STS: variants seen among roughly 807,000 people sequenced by gnomAD.
STS encodes steryl-sulfatase.
A neutral mutation model predicts 26.8 loss-of-function variants in STS; 7 were observed. The ratio of observed to expected loss-of-function variants is 0.26; its 90% CI spans 0.15 to 0.49. The LOEUF (loss-of-function observed/expected upper bound fraction) is 0.49. Among genes scored for constraint, STS ranks in the 20% least tolerant of loss-of-function variants. The pLI is 0.98. For missense variants in STS, 434 were observed against 465.6 expected (o/e 0.93, Z 0.63); for synonymous variants, 199 against 189.4 (o/e 1.05, Z -0.42).
intron 8 of STS, among the ~76,000 whole-genome samples, chrX:7,324,760 G>C (rs754469515): frequency 9.0e-6 from 1 of 111,630 alleles, no homozygotes; most frequent in Non-Finnish European, 1.9e-5. Flanking sequence ...GCCCTTTGCT[G>C]AGAGGAGGTG....
At chrX:7,347,100 CA>C (rs1376978372) in intron 10 of STS, among the ~76,000 whole-genome samples, 2 of 111,300 alleles carry the variant, frequency 1.8e-5, no homozygotes, top group African/African-American at 6.5e-5. Context: ...ATAAATTAAA[CA>C]AAAGAAGATG....
At chrX:7,156,037 G>C (rs1355613770) in intron 1 of STS, among the ~76,000 whole-genome samples, 2 of 109,692 alleles carry the variant, frequency 1.8e-5, no homozygotes, top group East Asian at 5.7e-4. Context: ...TGTTGTCCCA[G>C]CTACTTGGGG....
chrX:7,304,683 A>G (rs1476252971), intron 7 of STS, among the ~76,000 whole-genome samples: 3 of 112,185 alleles, frequency 2.7e-5, no homozygotes, highest in Non-Finnish European at 5.6e-5. Context: ...TAGAGCCAAC[A>G]CCAGCTGGTG....
chrX:7,331,780 G>T (rs1295346515), intron 9 of STS, among the ~76,000 whole-genome samples: 2 of 109,339 alleles, frequency 1.8e-5, no homozygotes, highest in Non-Finnish European at 3.8e-5. Flanking sequence ...CAGAAATGAG[G>T]CTTCCTTTGA....
intron 7 of STS, among the ~76,000 whole-genome samples, chrX:7,288,290 T>C (rs1256016016): frequency 9.1e-6 from 1 of 109,586 alleles, no homozygotes; most frequent in East Asian, 2.9e-4. Flanking sequence ...CCCTACAAAT[T>C]ACAGGTTGAG....
chrX:7,250,037 C>G (rs1923062909), intron 2 of STS, among the ~76,000 whole-genome samples: 1 of 110,865 alleles, frequency 9.0e-6, no homozygotes, highest in Non-Finnish European at 1.9e-5. Flanking sequence ...AAGCAATTCT[C>G]CTGCCTCAGC....
chrX:7,150,224 T>A (rs995907933), intron 1 of STS, among the ~76,000 whole-genome samples: 1 of 111,791 alleles, frequency 8.9e-6, no homozygotes, highest in Non-Finnish European at 1.9e-5. Flanking sequence ...TTTTTCTTTT[T>A]TCTTTCTTCT....
rs1463320440 is a variant in STS at position 7,341,416 on chromosome X, C to T, written c.1363+7309C>T. Among the ~76,000 whole-genome samples, 4 of 111,489 alleles carry T rather than the reference C, an allele frequency of 3.6e-5. No homozygotes were observed. The East Asian group carries it at 1.1e-3, about 32-fold the overall frequency. ...TGGCTCCATGCCTGGTCCTCGTCCT[C>T]TCAGCTGCCCTCCTCCCTCTCCATG... On this transcript the variant is annotated intron_variant, in intron 10 of 10. Transcript: ENST00000674429.
chrX:7,327,977 G>A (rs1927560591), intron 9 of STS, among the ~76,000 whole-genome samples: 1 of 111,372 alleles, frequency 9.0e-6, no homozygotes, highest in African/African-American at 3.3e-5. Flanking sequence ...GGCCAAAAGG[G>A]GAATTGTAAG....
At chrX:7,210,532 A>G (rs927089997) in intron 2 of STS, among the ~76,000 whole-genome samples, 1 of 107,437 alleles carries the variant, frequency 9.3e-6, no homozygotes, top group African/African-American at 3.3e-5. Flanking sequence ...TGTATGTATA[A>G]TAAATAATAA....
chrX:7,242,304 TAAC>T (rs1462089182), intron 2 of STS, among the ~76,000 whole-genome samples: 39 of 110,786 alleles, frequency 3.5e-4, no homozygotes, highest in African/African-American at 1.3e-3. Flanking sequence ...ATTTTAATAA[TAAC>T]TTTATAAGTT....
chrX:7,182,300 G>C (rs1315348352), intron 1 of STS, among the ~76,000 whole-genome samples: 2 of 110,531 alleles, frequency 1.8e-5, no homozygotes, highest in Non-Finnish European at 3.8e-5. Context: ...GCTCAGTACT[G>C]ATAGTGTGTC....
chrX:7,231,146 C>T (rs1436220034), intron 2 of STS, among the ~76,000 whole-genome samples: 1 of 111,658 alleles, frequency 9.0e-6, no homozygotes, highest in African/African-American at 3.3e-5. Context: ...TAGGCAGATC[C>T]GTAGAGAGAA....
chrX:7,341,033 T>A (rs1057329532), intron 10 of STS, among the ~76,000 whole-genome samples: 1 of 111,301 alleles, frequency 9.0e-6, no homozygotes, highest in Non-Finnish European at 1.9e-5. Context: ...ACTCAATGAC[T>A]GTGGGAGGCT....
intron 2 of STS, among the ~76,000 whole-genome samples, chrX:7,213,918 A>G (rs1171244563): frequency 9.1e-6 from 1 of 110,333 alleles, no homozygotes. Context: ...GTCTCTAGAA[A>G]AAAAATATTA....
At chrX:7,310,484 TC>T (rs1926427721) in intron 8 of STS, among the ~76,000 whole-genome samples, 1 of 112,091 alleles carries the variant, frequency 8.9e-6, no homozygotes, top group Non-Finnish European at 1.9e-5. Flanking sequence ...TGTATCTGTG[TC>T]AAGGCAGTAG....
chrX:7,260,952 G>A (rs1453646788), intron 6 of STS, among the ~76,000 whole-genome samples: 1 of 111,029 alleles, frequency 9.0e-6, no homozygotes, highest in East Asian at 2.8e-4. Flanking sequence ...TCTGTAAATG[G>A]AATAACCATC....
intron 2 of STS, among the ~76,000 whole-genome samples, chrX:7,200,199 TA>T (rs774385827): frequency 9.0e-6 from 1 of 111,296 alleles, no homozygotes; most frequent in African/African-American, 3.3e-5. Context: ...ATTTAAGTAA[TA>T]TTTTTTGTTT....
intron 2 of STS, among the ~76,000 whole-genome samples, chrX:7,235,157 T>TAG (rs1922256037): frequency 8.9e-6 from 1 of 112,070 alleles, no homozygotes; most frequent in Non-Finnish European, 1.9e-5. Flanking sequence ...GGAGGTTGGG[T>TAG]AGAGGTCTTA....
Sources: gnomAD v4.1 joint callset for allele counts (sites outside exome capture counted in the v4.1 genomes callset) on GRCh38, gnomAD v4.1.1 for gene constraint, MANE v1.5 for transcripts, NCBI Gene and HGNC (gene_info 2026-07-23, HGNC 2026-07-21) for gene names.